Variants in AGBL4 observed in about 807,000 individuals in gnomAD.
AGBL4 encodes the protein AGBL carboxypeptidase 4, also known as cytosolic carboxypeptidase 6.
A neutral mutation model predicts 66.4 loss-of-function variants in AGBL4; 58 were observed. The ratio of observed to expected loss-of-function variants is 0.87; its 90% confidence interval spans 0.71 to 1.09. The LOEUF (loss-of-function observed/expected upper bound fraction) is 1.09, where lower values mean the gene tolerates loss of function less well. AGBL4 is among the 50% of genes least tolerant of loss of function. AGBL4 has a pLI of 0.00. For missense variants in AGBL4, 579 were observed against 631.0 expected, an observed-to-expected ratio of 0.92 and a Z score of 0.88; for synonymous variants, 234 against 222.9, an observed-to-expected ratio of 1.05 and a Z score of -0.44.
At chr1:49,821,173 CT>C (rs1013301159) in intron 2 of AGBL4, among the ~76,000 whole-genome samples, 5 of 152,098 alleles carry the variant, frequency 3.3e-5, no homozygotes, top group Admixed American at 6.6e-5. Context: ...TACCATGAAG[CT>C]TCTAAATTAT....
intron 2 of AGBL4, among the ~76,000 whole-genome samples, chr1:49,742,966 A>G (rs1275963710): frequency 6.6e-6 from 1 of 152,218 alleles, no homozygotes; most frequent in African/African-American, 2.4e-5. Context: ...AAACCTACGC[A>G]ATACCATTCA....
intron 2 of AGBL4, among the ~76,000 whole-genome samples, chr1:49,788,080 T>C (rs1363794271): frequency 2.6e-5 from 4 of 152,146 alleles, no homozygotes; most frequent in Admixed American, 1.3e-4. Flanking sequence ...CTTGAGAATA[T>C]GCAAAGTTCT....
chr1:49,552,038 G>C (rs149473676), intron 3 of AGBL4, among the ~76,000 whole-genome samples: 1 of 152,202 alleles, frequency 6.6e-6, no homozygotes, highest in East Asian at 1.9e-4. Context: ...GGTGTAGGAG[G>C]ATTATGGCTG....
intron 1 of AGBL4, among the ~76,000 whole-genome samples, chr1:49,857,340 A>G (rs1280555480): frequency 1.3e-5 from 2 of 152,154 alleles, no homozygotes; most frequent in African/African-American, 2.4e-5. Context: ...TCAAAATACA[A>G]TGACTTTCTT....
chr1:49,918,897 G>T (rs1651884100), intron 1 of AGBL4, among the ~76,000 whole-genome samples: 1 of 152,168 alleles, frequency 6.6e-6, no homozygotes, highest in Non-Finnish European at 1.5e-5. Flanking sequence ...GATCAAGTGG[G>T]CTTCATCCCT....
At chr1:48,685,817 T>C (rs976867816) in intron 6 of AGBL4, among the ~76,000 whole-genome samples, 1 of 152,174 alleles carries the variant, frequency 6.6e-6, no homozygotes, top group Non-Finnish European at 1.5e-5. Flanking sequence ...CTACCTCCCA[T>C]GAAGTCAGAG....
At chr1:49,319,287 C>G (rs1245871874) in intron 3 of AGBL4, among the ~76,000 whole-genome samples, 1 of 152,104 alleles carries the variant, frequency 6.6e-6, no homozygotes, top group East Asian at 1.9e-4. Flanking sequence ...AGACTTTAAA[C>G]CTGTTTCACT....
chr1:48,667,656 C>G (rs913651540), intron 6 of AGBL4, among the ~76,000 whole-genome samples: 1 of 152,202 alleles, frequency 6.6e-6, no homozygotes, highest in Non-Finnish European at 1.5e-5. Flanking sequence ...CTGAAGATAA[C>G]TATATTTCTC....
chr1:48,594,947 T>C (rs1335498616), intron 9 of AGBL4, among the ~76,000 whole-genome samples: 1 of 152,096 alleles, frequency 6.6e-6, no homozygotes, highest in Non-Finnish European at 1.5e-5. Context: ...AAGAAGCCTA[T>C]ATCCTCGACT....
chr1:49,058,349 G>A (rs927212997), intron 4 of AGBL4, among the ~76,000 whole-genome samples: 1 of 152,112 alleles, frequency 6.6e-6, no homozygotes, highest in African/African-American at 2.4e-5. Context: ...GTGATAGTGA[G>A]TGAGTTCTCA....
intron 3 of AGBL4, among the ~76,000 whole-genome samples, chr1:49,315,323 C>T (rs957375409): frequency 1.4e-4 from 21 of 152,106 alleles, no homozygotes; most frequent in Non-Finnish European, 2.6e-4. Flanking sequence ...CCATTCAGGA[C>T]ATAGGCATGG....
chr1:48,968,000 G>T (rs898395249), intron 5 of AGBL4, among the ~76,000 whole-genome samples: 11 of 151,928 alleles, frequency 7.2e-5, no homozygotes, highest in African/African-American at 2.7e-4. Context: ...CTTTTTGTTT[G>T]TTTTCTTGTT....
chr1:49,142,070 T>C (rs1411642640), intron 4 of AGBL4, among the ~76,000 whole-genome samples: 1 of 152,054 alleles, frequency 6.6e-6, no homozygotes, highest in African/African-American at 2.4e-5. Context: ...CAGATTCTCA[T>C]AGGAGTGAGA....
intron 11 of AGBL4, among the ~76,000 whole-genome samples, chr1:48,570,734 C>T (rs1230746689): frequency 6.6e-6 from 1 of 152,094 alleles, no homozygotes; most frequent in East Asian, 1.9e-4. Context: ...TTGTGCATTC[C>T]CAGAATCCCA....
intron 3 of AGBL4, among the ~76,000 whole-genome samples, chr1:49,256,259 A>G (rs757489600): frequency 6.6e-6 from 1 of 152,330 alleles, no homozygotes; most frequent in Admixed American, 6.5e-5. Context: ...CATTCTATAC[A>G]TATATCAAAA....
In AGBL4 at chr1:48,784,028, T is replaced by G. The variant is rs1349569002; in HGVS notation, c.634+83163A>C. On this transcript the variant is annotated intron_variant, in intron 6 of 13. Coordinates refer to ENST00000371839, the MANE Select transcript of AGBL4 (RefSeq NM_032785.4). ...TAAAAAGAAAACAGTATATTTAGTC[T>G]TAGGCTCTGGGTCCAAATCCTGGTC... 2.6e-5 allele frequency among the ~76,000 whole-genome samples: 4 copies of G among 152,214 alleles called. No homozygotes were observed. The South Asian group carries it at 6.2e-4, about 24-fold the overall frequency.
At chr1:49,589,849 A>C (rs1644719970) in intron 3 of AGBL4, among the ~76,000 whole-genome samples, 1 of 152,052 alleles carries the variant, frequency 6.6e-6, no homozygotes. Flanking sequence ...TTAAACAGGA[A>C]AAACTTCACC....
chr1:49,081,110 C>T (rs1644802019), intron 4 of AGBL4, among the ~76,000 whole-genome samples: 1 of 152,102 alleles, frequency 6.6e-6, no homozygotes, highest in South Asian at 2.1e-4. Context: ...TTAATTCATT[C>T]ATTAACTACA....
chr1:48,631,030 G>T (rs1200048908), intron 9 of AGBL4, among the ~76,000 whole-genome samples: 1 of 152,162 alleles, frequency 6.6e-6, no homozygotes, highest in Non-Finnish European at 1.5e-5. Flanking sequence ...TGTGAACTCG[G>T]CACCCAGCAC....
Sources: gnomAD v4.1 joint callset for allele counts (sites outside exome capture counted in the v4.1 genomes callset) on GRCh38, gnomAD v4.1.1 for gene constraint, MANE v1.5 for transcripts, NCBI Gene and HGNC (gene_info 2026-07-23, HGNC 2026-07-21) for gene names.